The following SCD5 variants were observed in gnomAD, a reference collection of about 807,000 sequenced individuals.
SCD5 encodes stearoyl-CoA desaturase 5, also known as acyl-CoA-desaturase 4.
SCD5 carries 20 observed loss-of-function variants against 30.4 expected under a neutral mutation model. The observed-to-expected ratio is 0.66, with a 90% confidence interval of 0.46 to 0.96. SCD5 has a LOEUF of 0.96. Among genes scored for constraint, SCD5 ranks in the 40% least tolerant of loss-of-function variants. The probability of loss-of-function intolerance (pLI) is 0.00; values close to 1 mark genes in which losing one functional copy is unlikely to be tolerated. For missense variants in SCD5, 381 were observed against 443.3 expected, an observed-to-expected ratio of 0.86 and a Z score of 1.26; for synonymous variants, 173 against 176.4, an observed-to-expected ratio of 0.98 and a Z score of 0.16.
At chr4:82,705,675 T>C (rs534539867) in intron 1 of SCD5, among the ~76,000 whole-genome samples, 68 of 152,342 alleles carry the variant, frequency 4.5e-4, no homozygotes, top group African/African-American at 1.5e-3. Context: ...TTTGCTAATG[T>C]TTCTTGCCAG....
At chr4:82,686,431 T>C (rs910219923) in intron 2 of SCD5, among the ~76,000 whole-genome samples, 3 of 152,236 alleles carry the variant, frequency 2.0e-5, no homozygotes, top group Admixed American at 1.3e-4. Context: ...AAATGAGCAC[T>C]ACATATCAAA....
intron 1 of SCD5, among the ~76,000 whole-genome samples, chr4:82,751,235 G>A (rs1172933814): frequency 2.6e-5 from 4 of 152,016 alleles, no homozygotes; most frequent in African/African-American, 7.3e-5. Context: ...TCACTCTGTC[G>A]CTCAGGCTGG....
At chr4:82,795,809 C>CAAAAAAAAAAAAA (rs72115040) in intron 1 of SCD5, among the ~76,000 whole-genome samples, 3 of 43,910 alleles carry the variant, frequency 6.8e-5, no homozygotes, top group African/African-American at 1.8e-4. Flanking sequence ...CCCTGTCTCA[C>CAAAAAAAAAAAAA]AAAAAAAAAA....
intron 1 of SCD5, among the ~76,000 whole-genome samples, chr4:82,732,156 A>G (rs117277454): frequency 0.029 from 4,402 of 151,832 alleles, 110 homozygotes; most frequent in South Asian, 0.1. Flanking sequence ...GCTGGAGTGC[A>G]GTGGTGTGAT....
At chr4:82,777,453 GC>G (rs1721766783) in intron 1 of SCD5, among the ~76,000 whole-genome samples, 1 of 152,214 alleles carries the variant, frequency 6.6e-6, no homozygotes, top group South Asian at 2.1e-4. Flanking sequence ...GGAAACAGGT[GC>G]TGAAAACATT....
chr4:82,750,439 G>T (rs17006273), intron 1 of SCD5, among the ~76,000 whole-genome samples: 17,663 of 152,164 alleles, frequency 0.12, 1,294 homozygotes, highest in African/African-American at 0.2. Flanking sequence ...GGAATAAAAA[G>T]ACATTCAAAA....
intron 1 of SCD5, among the ~76,000 whole-genome samples, chr4:82,728,004 C>T (rs1342806329): frequency 6.6e-6 from 1 of 152,120 alleles, no homozygotes; most frequent in African/African-American, 2.4e-5. Flanking sequence ...CCACCATGCC[C>T]CACCTCTAGT....
At chr4:82,795,378 T>G (rs920911293) in intron 1 of SCD5, among the ~76,000 whole-genome samples, 8 of 152,164 alleles carry the variant, frequency 5.3e-5, no homozygotes, top group Admixed American at 3.3e-4. Flanking sequence ...AAAAAGGGCC[T>G]TCAGTGGGGG....
chr4:82,754,952 C>T lies in SCD5; in HGVS notation c.232+43354G>A, dbSNP rs16999005. On this transcript the variant is annotated intron_variant, in intron 1 of 4. Transcript: ENST00000319540. ...GAACAGAAGCAACAAGACACCAAGC[C>T]CACCATGGACAGAGACAGCCGCTAA... Among the ~76,000 whole-genome samples the T allele has an allele frequency of 6.3e-3, 956 of 152,238 alleles. 8 individuals are homozygous for T. Among genetic ancestry groups the T allele is most frequent in the African/African-American group, 0.022 (911 of 41,534 alleles).
At chr4:82,756,327 G>A (rs1392778067) in intron 1 of SCD5, among the ~76,000 whole-genome samples, 4 of 152,180 alleles carry the variant, frequency 2.6e-5, no homozygotes, top group East Asian at 1.9e-4. Context: ...GAGAGCAGGC[G>A]CTGGAGTTAA....
At chr4:82,658,697 T>C (rs901163250) in intron 3 of SCD5, among the ~76,000 whole-genome samples, 12 of 146,068 alleles carry the variant, frequency 8.2e-5, no homozygotes, top group African/African-American at 3.1e-4. Context: ...TTGGCCAGGA[T>C]GGTCTTGATC....
intron 1 of SCD5, among the ~76,000 whole-genome samples, chr4:82,753,655 A>G (rs965305521): frequency 3.3e-5 from 5 of 152,124 alleles, no homozygotes; most frequent in Non-Finnish European, 5.9e-5. Context: ...AGCATCAAAA[A>G]ACTATGTAAC....
intron 3 of SCD5, among the ~76,000 whole-genome samples, chr4:82,654,231 T>C (rs1046610113): frequency 4.6e-5 from 7 of 152,220 alleles, no homozygotes; most frequent in Non-Finnish European, 1.0e-4. Flanking sequence ...AGGATCTTTT[T>C]ATCTGTGTGA....
intron 1 of SCD5, among the ~76,000 whole-genome samples, chr4:82,738,819 T>C (rs566505911): frequency 1.3e-5 from 2 of 152,236 alleles, no homozygotes; most frequent in Non-Finnish European, 2.9e-5. Context: ...GTACTTAGGA[T>C]ACGCTGTGAC....
intron 3 of SCD5, among the ~76,000 whole-genome samples, chr4:82,666,567 TTACTC>T (rs1289550867): frequency 6.6e-6 from 1 of 151,682 alleles, no homozygotes; most frequent in African/African-American, 2.4e-5. Flanking sequence ...GATTAAAAGA[TTACTC>T]TACATAGCCT....
chr4:82,718,672 T>G (rs963001252), intron 1 of SCD5, among the ~76,000 whole-genome samples: 1 of 151,884 alleles, frequency 6.6e-6, no homozygotes, highest in South Asian at 2.1e-4. Context: ...CAAGATACCA[T>G]GAAACCCCCT....
At chr4:82,794,403 GC>G (rs1314635293) in intron 1 of SCD5, among the ~76,000 whole-genome samples, 1 of 152,090 alleles carries the variant, frequency 6.6e-6, no homozygotes, top group Non-Finnish European at 1.5e-5. Flanking sequence ...AACAGAAAAG[GC>G]CTTGATGTTT....
At chr4:82,792,410 T>A (rs1248924044) in intron 1 of SCD5, among the ~76,000 whole-genome samples, 2 of 151,874 alleles carry the variant, frequency 1.3e-5, no homozygotes, top group African/African-American at 4.8e-5. Context: ...CTTTAGCAAG[T>A]CCTTTAGCAT....
At chr4:82,708,978 C>A (rs908763782) in intron 1 of SCD5, among the ~76,000 whole-genome samples, 2 of 152,122 alleles carry the variant, frequency 1.3e-5, no homozygotes, top group African/African-American at 4.8e-5. Context: ...CATAGTAACT[C>A]ATTTAATACT....
Sources: allele counts gnomAD v4.1 joint callset (sites outside exome capture counted in the v4.1 genomes callset), GRCh38; gene constraint gnomAD v4.1.1; transcripts MANE v1.5; gene names NCBI Gene and HGNC (gene_info 2026-07-23, HGNC 2026-07-21).